The following WDFY2 variants were observed in gnomAD, a reference collection of about 807,000 sequenced individuals.
The protein encoded by WDFY2 is WD repeat and FYVE domain-containing protein 2.
Under a neutral mutation model 56.4 loss-of-function variants are expected in WDFY2, and 36 were observed. That is an observed-to-expected ratio of 0.64 (90% CI 0.49 to 0.84). The LOEUF is 0.84. WDFY2 is among the 40% of genes least tolerant of loss of function. The pLI, the probability that WDFY2 is intolerant of heterozygous loss-of-function variation, is 0.00. For missense variants in WDFY2, 444 were observed against 512.2 expected (o/e 0.87, Z 1.29); for synonymous variants, 176 against 183.7 (o/e 0.96, Z 0.34).
chr13:51,653,538 T>C (rs1955446927), intron 1 of WDFY2, among the ~76,000 whole-genome samples: 1 of 152,232 alleles, frequency 6.6e-6, no homozygotes, highest in African/African-American at 2.4e-5. Flanking sequence ...TGGTTTTGTC[T>C]ACCTTTGTTC....
intron 6 of WDFY2, among the ~76,000 whole-genome samples, chr13:51,731,238 C>T (rs1013896829): frequency 2.0e-5 from 3 of 152,196 alleles, no homozygotes; most frequent in Non-Finnish European, 2.9e-5. Flanking sequence ...CTCACCCACT[C>T]ACTGTATGGT....
At chr13:51,622,281 C>T (rs547467603) in intron 1 of WDFY2, among the ~76,000 whole-genome samples, 2 of 152,272 alleles carry the variant, frequency 1.3e-5, no homozygotes, top group East Asian at 3.9e-4. Flanking sequence ...CTCTCTCCCC[C>T]CCTCCTTTTT....
chr13:51,671,459 ATCAT>A (rs1955805113), intron 2 of WDFY2, among the ~76,000 whole-genome samples: 1 of 152,096 alleles, frequency 6.6e-6, no homozygotes, highest in Non-Finnish European at 1.5e-5. Context: ...CATTTCCCTG[ATCAT>A]TAGTGATGTT....
At chr13:51,630,427 T>G (rs561294021) in intron 1 of WDFY2, among the ~76,000 whole-genome samples, 1 of 152,134 alleles carries the variant, frequency 6.6e-6, no homozygotes, top group South Asian at 2.1e-4. Flanking sequence ...TTTTAGTGAA[T>G]TTTTTTGGTG....
intron 1 of WDFY2, among the ~76,000 whole-genome samples, chr13:51,648,375 G>A (rs571945387): frequency 6.6e-6 from 1 of 152,296 alleles, no homozygotes; most frequent in East Asian, 1.9e-4. Flanking sequence ...GGTTGGGGTG[G>A]CCATGGCCAT....
intron 1 of WDFY2, among the ~76,000 whole-genome samples, chr13:51,635,401 A>G (rs1481846246): frequency 6.6e-6 from 1 of 152,248 alleles, no homozygotes. Flanking sequence ...GGCATAAATT[A>G]GACGTGATCA....
intron 4 of WDFY2, among the ~76,000 whole-genome samples, chr13:51,706,798 A>G (rs563003886): frequency 1.8e-4 from 27 of 152,340 alleles, no homozygotes; most frequent in African/African-American, 5.8e-4. Flanking sequence ...ACTGCTTAAG[A>G]TGAATTCTTC....
chr13:51,645,874 A>T (rs1036668745), intron 1 of WDFY2, among the ~76,000 whole-genome samples: 2 of 152,028 alleles, frequency 1.3e-5, no homozygotes, highest in African/African-American at 4.8e-5. Flanking sequence ...CCTGAACTTC[A>T]TGTAGACAGT....
At chr13:51,636,202 G>A (rs1339071901) in intron 1 of WDFY2, among the ~76,000 whole-genome samples, 1 of 152,170 alleles carries the variant, frequency 6.6e-6, no homozygotes, top group African/African-American at 2.4e-5. Context: ...GTTAGCTTCA[G>A]CTACCTCTGT....
intron 3 of WDFY2, among the ~76,000 whole-genome samples, chr13:51,684,529 C>T (rs1488467092): frequency 6.6e-6 from 1 of 152,040 alleles, no homozygotes; most frequent in Non-Finnish European, 1.5e-5. Flanking sequence ...CTTAATTATC[C>T]TATACCTACA....
At position 51,762,912 on chromosome 13, in the gene WDFY2, A is replaced by C. The variant is rs901285836; in HGVS notation, c.*3143A>C. The C allele has an allele frequency of 6.6e-6, 1 of 152,242 alleles. No individual in the cohort carries two copies. The highest frequency in any genetic ancestry group is 1.5e-5 in the Non-Finnish European group (1 of 68,046). The allele number at this position is 152,242 out of a possible 1,614,324, so 9.4% of individuals were successfully genotyped here. ...CTCCAAACGAATGACATTACTTGAC[A>C]TTACTGCCTGAGTGTATCTTCACAA... On this transcript the variant is annotated 3_prime_UTR_variant, in exon 12 of 12. Coordinates refer to ENST00000298125, the MANE Select transcript of WDFY2 (RefSeq NM_052950.4).
chr13:51,662,838 T>C (rs1423970212), intron 2 of WDFY2, among the ~76,000 whole-genome samples: 1 of 152,222 alleles, frequency 6.6e-6, no homozygotes, highest in African/African-American at 2.4e-5. Flanking sequence ...TGATTATTTG[T>C]ATACTTTGCC....
intron 1 of WDFY2, among the ~76,000 whole-genome samples, chr13:51,641,547 C>T (rs1161920511): frequency 6.6e-6 from 1 of 151,714 alleles, no homozygotes; most frequent in African/African-American, 2.4e-5. Flanking sequence ...TTTTGTCGGG[C>T]CGGGCGCGGT....
chr13:51,711,305 C>G (rs1427109370), intron 4 of WDFY2, among the ~76,000 whole-genome samples: 1 of 152,218 alleles, frequency 6.6e-6, no homozygotes, highest in Non-Finnish European at 1.5e-5. Context: ...GGATTAAAGA[C>G]TTAAACGTTA....
chr13:51,675,311 A>G (rs902408277), intron 3 of WDFY2, 68 bp downstream of exon 3: 4 of 1,417,284 alleles, frequency 2.8e-6, no homozygotes, highest in Non-Finnish European at 3.9e-6. Flanking sequence ...ATATGTATTT[A>G]TTAGTTTTTT....
At chr13:51,683,233 A>G (rs747011364) in intron 3 of WDFY2, among the ~76,000 whole-genome samples, 2 of 152,178 alleles carry the variant, frequency 1.3e-5, no homozygotes, top group Admixed American at 6.5e-5. Context: ...ATTGCTTTCT[A>G]TTGTTTTAGG....
At chr13:51,676,361 CG>C (rs1955889141) in intron 3 of WDFY2, among the ~76,000 whole-genome samples, 1 of 152,120 alleles carries the variant, frequency 6.6e-6, no homozygotes, top group Non-Finnish European at 1.5e-5. Context: ...GCTGGCCCCC[CG>C]TGTCACCACA....
At chr13:51,605,183 A>T (rs1954361752) in intron 1 of WDFY2, among the ~76,000 whole-genome samples, 1 of 152,196 alleles carries the variant, frequency 6.6e-6, no homozygotes, top group Admixed American at 6.5e-5. Context: ...TCAAAAGATG[A>T]GTGGATTCTG....
At chr13:51,620,620 A>G (rs1954707110) in intron 1 of WDFY2, among the ~76,000 whole-genome samples, 1 of 152,060 alleles carries the variant, frequency 6.6e-6, no homozygotes, top group Admixed American at 6.6e-5. Context: ...CTATCCAGAC[A>G]GGATTTTTCT....
Sources: gnomAD v4.1 joint callset for allele counts (sites outside exome capture counted in the v4.1 genomes callset) on GRCh38, gnomAD v4.1.1 for gene constraint, MANE v1.5 for transcripts, NCBI Gene and HGNC (gene_info 2026-07-23, HGNC 2026-07-21) for gene names.